SYCE3: variants seen among roughly 807,000 people sequenced by gnomAD.
The protein encoded by SYCE3 is testis highly expressed gene 2 protein.
In SYCE3, 3 loss-of-function variants were observed where a neutral mutation model predicts 8.1. That is an observed-to-expected ratio of 0.37 (90% confidence interval 0.17 to 0.96). The LOEUF (loss-of-function observed/expected upper bound fraction) is 0.96. Among genes scored for constraint, SYCE3 ranks in the 40% least tolerant of loss-of-function variants. SYCE3 has a pLI of 0.41. For missense variants in SYCE3, 83 were observed against 110.0 expected (o/e 0.75, Z 1.10); for synonymous variants, 36 against 38.7 (o/e 0.93, Z 0.26).
intron 1 of SYCE3, among the ~76,000 whole-genome samples, chr22:50,561,841 C>G (rs1380697789): frequency 6.7e-6 from 1 of 149,476 alleles, no homozygotes; most frequent in Admixed American, 6.7e-5. Flanking sequence ...AGAGTCTGGG[C>G]GGGTCCTGAA....
chr22:50,560,450 C>T (rs1278151384), intron 1 of SYCE3, among the ~76,000 whole-genome samples: 4 of 152,038 alleles, frequency 2.6e-5, no homozygotes, highest in African/African-American at 9.7e-5. Flanking sequence ...TGGAAGATCC[C>T]CTCTGCAAAA....
chr22:50,561,855 C>A (rs2069922024), intron 1 of SYCE3, among the ~76,000 whole-genome samples: 1 of 149,078 alleles, frequency 6.7e-6, no homozygotes, highest in African/African-American at 2.5e-5. Context: ...TCCTGAAGTG[C>A]AGGTGGAGGA....
intron 1 of SYCE3, among the ~76,000 whole-genome samples, chr22:50,556,845 C>T (rs2069864585): frequency 1.3e-5 from 2 of 152,174 alleles, no homozygotes; most frequent in African/African-American, 4.8e-5. Flanking sequence ...AAGTCACACA[C>T]ACCATATGAC....
intron 1 of SYCE3, 80 bp from the exon 2 acceptor site, chr22:50,556,485 T>A: frequency 1.0e-6 from 1 of 981,784 alleles, no homozygotes; most frequent in Non-Finnish European, 1.5e-6. Context: ...ACTCAGTGAT[T>A]TCTCTAAGGA....
chr22:50,551,150 G>T lies in SYCE3; in HGVS notation c.*95C>A. 1.4e-6 allele frequency: 2 copies of T among 1,442,012 alleles called. No individual in the cohort carries two copies. The highest frequency in any genetic ancestry group is 1.9e-6 in the Non-Finnish European group (2 of 1,062,600). 89.3% of individuals were successfully genotyped at this position (1,442,012 alleles called of 1,614,324 possible). ...AAGTTTATTAAGAAACAAGTACAGT[G>T]CATACAGCTATTCATGTGGGTGCCA... On this transcript the variant is annotated 3_prime_UTR_variant, in exon 3 of 3. Transcript: ENST00000406915.
intron 1 of SYCE3, among the ~76,000 whole-genome samples, chr22:50,562,010 G>C (rs1475166851): frequency 1.6e-5 from 2 of 127,794 alleles, no homozygotes; most frequent in African/African-American, 6.1e-5. Flanking sequence ...GGAGTGTATG[G>C]TGTGAGGACA....
intron 2 of SYCE3, among the ~76,000 whole-genome samples, chr22:50,553,266 T>C (rs978232306): frequency 3.9e-5 from 6 of 151,964 alleles, no homozygotes; most frequent in African/African-American, 1.2e-4. Context: ...CGCCCAGCCA[T>C]AACGTTTTTT....
At chr22:50,556,075 G>C (rs1170016463) in intron 2 of SYCE3, among the ~76,000 whole-genome samples, 1 of 152,000 alleles carries the variant, frequency 6.6e-6, no homozygotes, top group Non-Finnish European at 1.5e-5. Context: ...TTACAGGAGT[G>C]AGCCACCGCG....
At chr22:50,555,198 CTG>C (rs2069848308) in intron 2 of SYCE3, among the ~76,000 whole-genome samples, 18 of 152,018 alleles carry the variant, frequency 1.2e-4, no homozygotes, top group Admixed American at 1.2e-3. Flanking sequence ...CCCCCTGAGG[CTG>C]TGTCACAGAT....
intron 2 of SYCE3, among the ~76,000 whole-genome samples, chr22:50,552,114 TC>T (rs988342191): frequency 2.6e-5 from 4 of 152,240 alleles, no homozygotes; most frequent in South Asian, 2.1e-4. Context: ...CTGGTGTGGT[TC>T]AGCCCTCTGC....
At chr22:50,561,976 C>A (rs941923280) in intron 1 of SYCE3, among the ~76,000 whole-genome samples, 1 of 139,202 alleles carries the variant, frequency 7.2e-6, no homozygotes, top group African/African-American at 2.7e-5. Flanking sequence ...ATGAGAAGCC[C>A]AGGGTGTGCA....
intron 2 of SYCE3, among the ~76,000 whole-genome samples, chr22:50,552,922 G>A (rs2069824951): frequency 6.6e-6 from 1 of 152,160 alleles, no homozygotes; most frequent in African/African-American, 2.4e-5. Context: ...GGCTGGCCGG[G>A]CAAGGTGGCT....
chr22:50,559,324 G>A (rs1346878573), intron 1 of SYCE3, among the ~76,000 whole-genome samples: 3 of 151,962 alleles, frequency 2.0e-5, no homozygotes, highest in South Asian at 2.1e-4. Flanking sequence ...ACGGGGTTTC[G>A]CCATATTGGC....
chr22:50,556,089 G>A (rs960381145), intron 2 of SYCE3, among the ~76,000 whole-genome samples: 5 of 152,172 alleles, frequency 3.3e-5, no homozygotes, highest in African/African-American at 7.2e-5. Flanking sequence ...CACCGCGCCC[G>A]GCCGAACCAG....
chr22:50,557,904 C>T (rs187960891), intron 1 of SYCE3, among the ~76,000 whole-genome samples: 1 of 152,268 alleles, frequency 6.6e-6, no homozygotes, highest in African/African-American at 2.4e-5. Context: ...CCACTCAGTT[C>T]TCCTGTGACT....
intron 2 of SYCE3, among the ~76,000 whole-genome samples, chr22:50,555,672 C>T (rs1483854227): frequency 6.6e-6 from 1 of 152,156 alleles, no homozygotes; most frequent in Non-Finnish European, 1.5e-5. Flanking sequence ...CTATTGATTC[C>T]AGGTCTTTAG....
intron 2 of SYCE3, among the ~76,000 whole-genome samples, chr22:50,555,639 C>T (rs556740131): frequency 6.6e-6 from 1 of 152,156 alleles, no homozygotes. Context: ...AACCCCTTAC[C>T]GTCATAACCC....
chr22:50,556,117 C>T (rs567836894), intron 2 of SYCE3, among the ~76,000 whole-genome samples, 180 bp downstream of exon 2: 1 of 152,268 alleles, frequency 6.6e-6, no homozygotes, highest in South Asian at 2.1e-4. Flanking sequence ...CTTACAGGTA[C>T]TGACTGATGT....
chr22:50,560,042 A>C (rs1333207203), intron 1 of SYCE3, among the ~76,000 whole-genome samples: 1 of 152,230 alleles, frequency 6.6e-6, no homozygotes, highest in Non-Finnish European at 1.5e-5. Flanking sequence ...CAAGAGCCCA[A>C]TCGAAATGTT....
Sources: gnomAD v4.1 joint callset for allele counts (sites outside exome capture counted in the v4.1 genomes callset) on GRCh38, gnomAD v4.1.1 for gene constraint, MANE v1.5 for transcripts, NCBI Gene and HGNC (gene_info 2026-07-23, HGNC 2026-07-21) for gene names.